GBF1: variants seen among roughly 807,000 people sequenced by gnomAD.
The protein encoded by GBF1 is Golgi-specific brefeldin A-resistance guanine nucleotide exchange factor 1.
In GBF1, 114 loss-of-function variants were observed where a neutral mutation model predicts 210.5. The observed-to-expected ratio is 0.54, with a 90% CI of 0.47 to 0.63. The LOEUF (loss-of-function observed/expected upper bound fraction) is 0.63, where lower values mean the gene tolerates loss of function less well. Among genes scored for constraint, GBF1 ranks in the 30% least tolerant of loss-of-function variants. The pLI is 0.00. For synonymous variants in GBF1, 850 were observed against 889.2 expected, an observed-to-expected ratio of 0.96 and a Z score of 0.78; for missense variants, 1,851 against 2,357.7, an observed-to-expected ratio of 0.79 and a Z score of 4.45.
At chr10:102,257,121 G>A (rs78238857) in intron 1 of GBF1, among the ~76,000 whole-genome samples, 1,654 of 152,252 alleles carry the variant, frequency 0.011, 30 homozygotes, top group African/African-American at 0.033. Flanking sequence ...ACCTTCTCTA[G>A]GAATAATTAT....
chr10:102,312,326 ATC>A (rs1217284271), intron 3 of GBF1, among the ~76,000 whole-genome samples: 2 of 151,890 alleles, frequency 1.3e-5, no homozygotes, highest in East Asian at 3.9e-4. Context: ...AAAATGTTAA[ATC>A]TCTCTCTGCC....
intron 3 of GBF1, among the ~76,000 whole-genome samples, chr10:102,260,601 C>G (rs929506983): frequency 2.6e-5 from 4 of 151,138 alleles, no homozygotes; most frequent in Non-Finnish European, 5.9e-5. Flanking sequence ...CCTCAGCCTC[C>G]TAAGTAGCTG....
intron 29 of GBF1, among the ~76,000 whole-genome samples, chr10:102,371,629 A>G (rs2060210049): frequency 6.6e-6 from 1 of 152,184 alleles, no homozygotes; most frequent in African/African-American, 2.4e-5. Flanking sequence ...AATAAAGTGG[A>G]AAGAATCACT....
intron 3 of GBF1, among the ~76,000 whole-genome samples, chr10:102,286,238 C>T (rs1282278888): frequency 6.7e-6 from 1 of 148,874 alleles, no homozygotes; most frequent in Non-Finnish European, 1.5e-5. Flanking sequence ...TTCTCTTCTC[C>T]TAATGTACTG....
At chr10:102,259,279 T>G (rs537015238) in intron 2 of GBF1, among the ~76,000 whole-genome samples, 40 of 152,356 alleles carry the variant, frequency 2.6e-4, no homozygotes, top group Non-Finnish European at 5.4e-4. Flanking sequence ...AAGCTAGTCC[T>G]GTGCTTGGGA....
chr10:102,313,487 G>A (rs2078662938), intron 3 of GBF1, among the ~76,000 whole-genome samples: 1 of 152,170 alleles, frequency 6.6e-6, no homozygotes, highest in African/African-American at 2.4e-5. Flanking sequence ...TTGTGATATT[G>A]CAGGTTATTT....
intron 3 of GBF1, among the ~76,000 whole-genome samples, chr10:102,327,437 A>C (rs1285604162): frequency 6.6e-6 from 1 of 152,204 alleles, no homozygotes; most frequent in Non-Finnish European, 1.5e-5. Context: ...ACACATTTAC[A>C]AAGAGACTTT....
At chr10:102,353,316 A>G (rs2059115337) in intron 7 of GBF1, among the ~76,000 whole-genome samples, 1 of 152,146 alleles carries the variant, frequency 6.6e-6, no homozygotes, top group African/African-American at 2.4e-5. Flanking sequence ...CCAAGTAAAT[A>G]TAAGCAGGAA....
chr10:102,330,790 A>T (rs1306423988), intron 3 of GBF1, among the ~76,000 whole-genome samples: 1 of 152,192 alleles, frequency 6.6e-6, no homozygotes, highest in African/African-American at 2.4e-5. Flanking sequence ...TGAGGGTGGT[A>T]GATAGCAGCT....
At chr10:102,298,562 G>A (rs1008599654) in intron 3 of GBF1, among the ~76,000 whole-genome samples, 7 of 152,024 alleles carry the variant, frequency 4.6e-5, no homozygotes, top group South Asian at 2.1e-4. Context: ...ATAAATACTC[G>A]TATATTTCGT....
chr10:102,346,829 A>AGGCTGAACATTTGAATTTCCTGTC (rs1393367650), intron 4 of GBF1, among the ~76,000 whole-genome samples: 5 of 152,120 alleles, frequency 3.3e-5, no homozygotes, highest in East Asian at 3.8e-4. Flanking sequence ...TATTTCCTGG[A>AGGCTGAACATTTGAATTTCCTGTC]GGCTGAACAT....
intron 3 of GBF1, among the ~76,000 whole-genome samples, chr10:102,301,932 G>A (rs980449287): frequency 1.2e-4 from 18 of 152,220 alleles, no homozygotes; most frequent in Admixed American, 2.0e-4. Context: ...GGTGGAGGTT[G>A]TAGCGAGCCG....
At chr10:102,344,740 A>G (rs967276097) in intron 4 of GBF1, among the ~76,000 whole-genome samples, 1 of 152,016 alleles carries the variant, frequency 6.6e-6, no homozygotes, top group African/African-American at 2.4e-5. Flanking sequence ...TTGGCCTCCC[A>G]AAGTGCTGGG....
the GBF1 span, chr10:102,230,699 C>G: frequency 6.4e-7 from 1 of 1,561,556 alleles, no homozygotes; most frequent in Non-Finnish European, 8.7e-7. Context: ...GCGGCGGCGG[C>G]CGAGGCATAA....
intron 1 of GBF1, among the ~76,000 whole-genome samples, chr10:102,255,555 C>A (rs2072228777): frequency 6.6e-6 from 1 of 152,204 alleles, no homozygotes. Flanking sequence ...CTCCACCACT[C>A]AGTTCCATAG....
intron 3 of GBF1, among the ~76,000 whole-genome samples, chr10:102,343,823 A>G (rs1231444038): frequency 6.6e-6 from 1 of 150,628 alleles, no homozygotes; most frequent in African/African-American, 2.4e-5. Context: ...AAAAGATAAT[A>G]TTGTGTTTTT....
chr10:102,297,061 A>G (rs533248761), intron 3 of GBF1, among the ~76,000 whole-genome samples: 9 of 151,956 alleles, frequency 5.9e-5, no homozygotes, highest in Admixed American at 1.3e-4. Flanking sequence ...AAAAAGGAAA[A>G]AAAAGGTAAT....
At position 102,362,437 on chromosome 10, in the gene GBF1, T is replaced by C. The variant is rs1041562223; in HGVS notation, c.1687-38T>C. ...AAAATGATCAAAGTGTAAAGTGTTC[T>C]CCTAACTACAAGTCCAATTGATCTG... On this transcript the variant is annotated intron_variant, in intron 14 of 39. Transcript: ENST00000369983. 13 of 1,396,100 alleles carry C rather than the reference T, an allele frequency of 9.3e-6. No homozygotes were observed. The Admixed American group carries it at 1.4e-4, about 15-fold the overall frequency. 86.5% of individuals were successfully genotyped at this position (1,396,100 alleles called of 1,614,324 possible).
chr10:102,380,404 C>T, intron 37 of GBF1, 42 bp downstream of exon 37: 1 of 1,577,506 alleles, frequency 6.3e-7, no homozygotes, highest in Non-Finnish European at 8.7e-7. Flanking sequence ...CCTGTCCCAC[C>T]TGTTGGAAGG....
Sources: gnomAD v4.1 joint callset for allele counts (sites outside exome capture counted in the v4.1 genomes callset) on GRCh38, gnomAD v4.1.1 for gene constraint, MANE v1.5 for transcripts, NCBI Gene and HGNC (gene_info 2026-07-23, HGNC 2026-07-21) for gene names.